Variants in SKAP1 observed in about 807,000 individuals in gnomAD.
The protein encoded by SKAP1 is src kinase-associated phosphoprotein 1.
Under a neutral mutation model 58.5 loss-of-function variants are expected in SKAP1, and 44 were observed. The ratio of observed to expected loss-of-function variants is 0.75; its 90% CI spans 0.59 to 0.97. The LOEUF (loss-of-function observed/expected upper bound fraction) is 0.97, where lower values mean the gene tolerates loss of function less well. Ranked by LOEUF, SKAP1 falls within the 50% of genes least tolerant of loss-of-function variation. The probability of loss-of-function intolerance (pLI) is 0.00; values close to 1 mark genes in which losing one functional copy is unlikely to be tolerated. For missense variants in SKAP1, 390 were observed against 435.2 expected, an observed-to-expected ratio of 0.90 and a Z score of 0.92; for synonymous variants, 127 against 149.7, an observed-to-expected ratio of 0.85 and a Z score of 1.11.
upstream of SKAP1, chr17:48,430,276 C>G (rs1426133758): frequency 4.5e-6 from 2 of 448,958 alleles, no homozygotes; most frequent in African/African-American, 4.2e-5. Flanking sequence ...GGTCCCCGGG[C>G]GCGTCAGGAA....
Position 48,288,578 on chromosome 17 carries a change from C to T in SKAP1, c.280+57327G>A, listed in dbSNP as rs553223129. Among the ~76,000 whole-genome samples the T allele has an allele frequency of 7.2e-5, 11 of 151,982 alleles. No individual in the cohort carries two copies. The South Asian group carries it at 1.5e-3, about 20-fold the overall frequency. ...GCGTGCACCTGTAGTCCCAGCTACT[C>T]GGGAGGCTGAGGCAGAAGGCTCGCT... is the stretch of plus-strand genomic sequence containing the variant. On this transcript the variant is annotated intron_variant, in intron 4 of 12. Coordinates refer to ENST00000336915, the MANE Select transcript of SKAP1 (RefSeq NM_003726.4).
At chr17:48,156,419 T>C (rs753553275) in intron 11 of SKAP1, 1 of 508,278 alleles carries the variant, frequency 2.0e-6, no homozygotes, top group East Asian at 6.0e-5. Flanking sequence ...TGGTTACGTA[T>C]GAGGAGACCT....
chr17:48,328,035 A>G (rs927969010), intron 4 of SKAP1, among the ~76,000 whole-genome samples: 1 of 152,218 alleles, frequency 6.6e-6, no homozygotes, highest in Non-Finnish European at 1.5e-5. Flanking sequence ...ATACTGAGAA[A>G]CAACAATGGC....
chr17:48,157,622 C>T (rs182305), intron 11 of SKAP1, among the ~76,000 whole-genome samples: 132,159 of 149,392 alleles, frequency 0.88, 58,464 homozygotes, highest in Admixed American at 0.92. Context: ...CTCCGTCTCC[C>T]GGTTCAAGCA....
chr17:48,309,058 T>G (rs1220396215), intron 4 of SKAP1, among the ~76,000 whole-genome samples: 1 of 152,076 alleles, frequency 6.6e-6, no homozygotes, highest in Non-Finnish European at 1.5e-5. Context: ...TTTTTCTTCC[T>G]CAAGAACTTT....
At chr17:48,417,315 C>G (rs2067743922) in intron 1 of SKAP1, among the ~76,000 whole-genome samples, 1 of 152,124 alleles carries the variant, frequency 6.6e-6, no homozygotes, top group South Asian at 2.1e-4. Context: ...ATACTCACAA[C>G]ACAGAGAAAA....
At chr17:48,189,996 T>G (rs1357602400) in intron 4 of SKAP1, among the ~76,000 whole-genome samples, 1 of 151,848 alleles carries the variant, frequency 6.6e-6, no homozygotes, top group Non-Finnish European at 1.5e-5. Context: ...TTCTTTTCAA[T>G]TATATCTAAT....
intron 8 of SKAP1, among the ~76,000 whole-genome samples, chr17:48,181,389 G>A (rs1478312068): frequency 6.6e-6 from 1 of 152,030 alleles, no homozygotes; most frequent in Non-Finnish European, 1.5e-5. Context: ...TAAATCCAAG[G>A]CACCTAGATG....
chr17:48,316,068 T>G (rs183076481), intron 4 of SKAP1, among the ~76,000 whole-genome samples: 159 of 152,280 alleles, frequency 1.0e-3, no homozygotes, highest in Non-Finnish European at 1.8e-3. Flanking sequence ...CCTCTTCCAC[T>G]CCTATCCCCC....
At chr17:48,206,585 A>T (rs750869166) in intron 4 of SKAP1, among the ~76,000 whole-genome samples, 1 of 152,160 alleles carries the variant, frequency 6.6e-6, no homozygotes, top group Non-Finnish European at 1.5e-5. Context: ...TCGAAACATG[A>T]AGAATGGGGA....
At chr17:48,174,308 T>G (rs906707830) in intron 9 of SKAP1, among the ~76,000 whole-genome samples, 3 of 152,336 alleles carry the variant, frequency 2.0e-5, no homozygotes, top group South Asian at 4.1e-4. Context: ...CAAGAAGCCT[T>G]CCCATTGATG....
chr17:48,314,391 C>T (rs2066262870), intron 4 of SKAP1, among the ~76,000 whole-genome samples: 1 of 152,134 alleles, frequency 6.6e-6, no homozygotes, highest in Admixed American at 6.5e-5. Context: ...TTGTGTCCTC[C>T]CTTACAAAAA....
intron 4 of SKAP1, among the ~76,000 whole-genome samples, chr17:48,327,618 G>A (rs961980536): frequency 1.3e-5 from 2 of 151,878 alleles, no homozygotes; most frequent in African/African-American, 2.4e-5. Context: ...TTTGCTAATT[G>A]CCTACTAGGA....
At chr17:48,263,581 G>A (rs2065507012) in intron 4 of SKAP1, among the ~76,000 whole-genome samples, 1 of 152,178 alleles carries the variant, frequency 6.6e-6, no homozygotes, top group African/African-American at 2.4e-5. Context: ...CGTATCAAGA[G>A]GGAGCACTGA....
chr17:48,158,177 CAAAA>C (rs55933327), intron 11 of SKAP1, among the ~76,000 whole-genome samples: 31,170 of 106,134 alleles, frequency 0.29, 4,218 homozygotes, highest in African/African-American at 0.41. Context: ...AACTCTGTCT[CAAAA>C]AAAAAAAAAA....
At chr17:48,134,552 G>A (rs1284613755) in intron 12 of SKAP1, among the ~76,000 whole-genome samples, 3 of 150,980 alleles carry the variant, frequency 2.0e-5, no homozygotes, top group Admixed American at 6.6e-5. Flanking sequence ...TCCTGACCTC[G>A]TTATCTGCTC....
At position 48,317,948 on chromosome 17, in the gene SKAP1, G is replaced by A. The variant is rs371007559; in HGVS notation, c.280+27957C>T. 2.0e-4 allele frequency among the ~76,000 whole-genome samples: 31 copies of A among 151,936 alleles called. No homozygotes were observed. The South Asian group carries it at 5.8e-3, about 29-fold the overall frequency. The stretch of plus-strand genomic sequence containing the variant: ...AAAAATGCAATCAACAGGTATGAGA[G>A]AAAAATAATGCAAAACAGAAGTATC... On this transcript the variant is annotated intron_variant, in intron 4 of 12. Transcript: ENST00000336915.
intron 4 of SKAP1, among the ~76,000 whole-genome samples, chr17:48,276,337 T>C (rs902181546): frequency 2.0e-5 from 3 of 152,234 alleles, no homozygotes; most frequent in African/African-American, 7.2e-5. Flanking sequence ...AAGTCTTCCC[T>C]GATTCCCCTG....
At chr17:48,228,096 C>T (rs2065088227) in intron 4 of SKAP1, among the ~76,000 whole-genome samples, 1 of 151,908 alleles carries the variant, frequency 6.6e-6, no homozygotes, top group Non-Finnish European at 1.5e-5. Context: ...CATAGAGAAA[C>T]ACTGATGTAA....
Sources: allele counts gnomAD v4.1 joint callset (sites outside exome capture counted in the v4.1 genomes callset), GRCh38; gene constraint gnomAD v4.1.1; transcripts MANE v1.5; gene names NCBI Gene and HGNC (gene_info 2026-07-23, HGNC 2026-07-21).